GPC5: variants seen among roughly 807,000 people sequenced by gnomAD.
The protein encoded by GPC5 is glypican 5.
GPC5 carries 47 observed loss-of-function variants against 53.9 expected under a neutral mutation model. The observed-to-expected ratio is 0.87, with a 90% CI of 0.69 to 1.11. The LOEUF (loss-of-function observed/expected upper bound fraction) is 1.11, where lower values mean the gene tolerates loss of function less well. Ranked by LOEUF, GPC5 falls within the 50% of genes most tolerant of loss-of-function variation. GPC5 has a pLI of 0.00. For missense variants in GPC5, 748 were observed against 713.1 expected (o/e 1.05, Z -0.56); for synonymous variants, 286 against 263.3 (o/e 1.09, Z -0.84).
At chr13:92,400,448 T>C (rs1320676403) in intron 7 of GPC5, among the ~76,000 whole-genome samples, 1 of 152,222 alleles carries the variant, frequency 6.6e-6, no homozygotes, top group Non-Finnish European at 1.5e-5. Flanking sequence ...ATCCGTGCCA[T>C]ACAGCACTAA....
chr13:92,697,679 C>A (rs1356656038), intron 7 of GPC5, among the ~76,000 whole-genome samples: 3 of 152,090 alleles, frequency 2.0e-5, no homozygotes, highest in African/African-American at 4.8e-5. Context: ...AATTTGAATA[C>A]CCTTTATTTA....
chr13:92,790,031 G>A (rs1409210701), intron 7 of GPC5, among the ~76,000 whole-genome samples: 3 of 152,100 alleles, frequency 2.0e-5, no homozygotes, highest in East Asian at 3.9e-4. Context: ...CATCCAGCAC[G>A]GTAGAAAGAT....
intron 6 of GPC5, among the ~76,000 whole-genome samples, chr13:91,925,184 G>A (rs927685365): frequency 1.2e-4 from 18 of 152,102 alleles, no homozygotes; most frequent in African/African-American, 4.1e-4. Context: ...AATTTTATGT[G>A]TAATACCATT....
intron 5 of GPC5, among the ~76,000 whole-genome samples, chr13:91,855,350 A>G (rs2038956047): frequency 6.6e-6 from 1 of 151,832 alleles, no homozygotes; most frequent in South Asian, 2.1e-4. Context: ...ACCTTAAAGT[A>G]TCTGTAAAAT....
At chr13:92,031,752 T>A (rs9523485) in intron 6 of GPC5, among the ~76,000 whole-genome samples, 38,909 of 43,688 alleles carry the variant, frequency 0.89, 17,620 homozygotes, top group South Asian at 0.96. Context: ...ATAATATATA[T>A]TATATTACAT....
At chr13:91,912,100 A>G (rs1180019949) in intron 6 of GPC5, among the ~76,000 whole-genome samples, 3 of 152,190 alleles carry the variant, frequency 2.0e-5, no homozygotes, top group African/African-American at 7.2e-5. Context: ...CAGAACTATT[A>G]ATGGAGACTG....
intron 7 of GPC5, among the ~76,000 whole-genome samples, chr13:92,294,826 C>CTTTTTTTTTTTTTT (rs147963724): frequency 3.6e-4 from 36 of 98,980 alleles, no homozygotes; most frequent in Non-Finnish European, 5.6e-4. Flanking sequence ...TTTTTTTTTT[C>CTTTTTTTTTTTTTT]TTTTTTTTTT....
rs2037177975 is a variant in GPC5 at position 91,751,589 on chromosome 13, A to G, written c.1155-4706A>G. ...TCATTAGTTCTTAAAGCTTCAGCCT[A>G]GAAGGAGCATACATAAATTCTGCCT... On this transcript the variant is annotated intron_variant, in intron 4 of 7. Coordinates refer to ENST00000377067, the MANE Select transcript of GPC5 (RefSeq NM_004466.6). 2.6e-5 allele frequency among the ~76,000 whole-genome samples: 4 copies of G among 152,332 alleles called. No homozygotes were observed. In the South Asian group the frequency reaches 6.2e-4, roughly 24 times the overall value.
chr13:91,820,104 G>T (rs1033998909), intron 5 of GPC5, among the ~76,000 whole-genome samples: 6 of 151,774 alleles, frequency 4.0e-5, no homozygotes, highest in South Asian at 4.2e-4. Context: ...GTCATTGTTG[G>T]TGGTGGTGGT....
intron 7 of GPC5, among the ~76,000 whole-genome samples, chr13:92,333,962 CA>C (rs890321211): frequency 2.3e-4 from 35 of 151,814 alleles, no homozygotes; most frequent in African/African-American, 7.7e-4. Context: ...ACAAAACAAA[CA>C]AAAAAACCAA....
intron 7 of GPC5, among the ~76,000 whole-genome samples, chr13:92,604,951 G>A (rs976189612): frequency 1.3e-5 from 2 of 152,144 alleles, no homozygotes; most frequent in African/African-American, 2.4e-5. Flanking sequence ...AGGAATTTGA[G>A]GGCAATTTAG....
At chr13:92,628,527 C>T (rs768631688) in intron 7 of GPC5, among the ~76,000 whole-genome samples, 4 of 152,014 alleles carry the variant, frequency 2.6e-5, no homozygotes, top group Non-Finnish European at 5.9e-5. Flanking sequence ...TCAGCCCTAG[C>T]TCTCAGGTAT....
intron 2 of GPC5, among the ~76,000 whole-genome samples, chr13:91,674,390 T>C (rs1054156471): frequency 4.4e-4 from 61 of 139,892 alleles, no homozygotes; most frequent in Middle Eastern, 3.8e-3. Flanking sequence ...TATATATATA[T>C]ACACACACAC....
intron 2 of GPC5, among the ~76,000 whole-genome samples, chr13:91,684,002 G>A (rs1194084371): frequency 6.6e-6 from 1 of 152,170 alleles, no homozygotes; most frequent in Non-Finnish European, 1.5e-5. Flanking sequence ...TTTCTCATCA[G>A]TTCCCATGGT....
intron 7 of GPC5, among the ~76,000 whole-genome samples, chr13:92,234,168 A>G (rs892863529): frequency 2.0e-5 from 3 of 152,196 alleles, no homozygotes; most frequent in African/African-American, 7.2e-5. Flanking sequence ...CTTTGGGTAT[A>G]TACCCAGTAA....
intron 7 of GPC5, among the ~76,000 whole-genome samples, chr13:92,225,635 G>A (rs1327671970): frequency 1.3e-5 from 2 of 152,000 alleles, no homozygotes; most frequent in African/African-American, 4.8e-5. Flanking sequence ...CATATAAAAG[G>A]GAGCAAAGCT....
chr13:91,567,971 G>T (rs2031611135), intron 2 of GPC5, among the ~76,000 whole-genome samples: 1 of 152,094 alleles, frequency 6.6e-6, no homozygotes, highest in Non-Finnish European at 1.5e-5. Context: ...TTGTGACAGT[G>T]AGTGAGTTCT....
rs1306116181 is a variant in GPC5, at chr13:91,518,877, G to A, written c.325+69955G>A. 5.3e-5 allele frequency among the ~76,000 whole-genome samples: 8 copies of A among 152,158 alleles called. No individual in the cohort carries two copies. The East Asian group carries it at 5.8e-4, about 11-fold the overall frequency. On this transcript the variant is annotated intron_variant, in intron 2 of 7. Coordinates refer to ENST00000377067, the MANE Select transcript of GPC5 (RefSeq NM_004466.6). ...TCAATTTCAGCTTTCTAAAGAGGCA[G>A]TAGTAGTCAGGCTAAACAATGAGCA...
chr13:91,549,217 C>T (rs2030479218), intron 2 of GPC5, among the ~76,000 whole-genome samples: 1 of 149,616 alleles, frequency 6.7e-6, no homozygotes, highest in Admixed American at 6.7e-5. Context: ...TGCAGTGAGC[C>T]AAAATCATGC....
Sources: gnomAD v4.1 joint callset for allele counts (sites outside exome capture counted in the v4.1 genomes callset) on GRCh38, gnomAD v4.1.1 for gene constraint, MANE v1.5 for transcripts, NCBI Gene and HGNC (gene_info 2026-07-23, HGNC 2026-07-21) for gene names.